The following GRIN2B variants were observed in gnomAD, a reference collection of about 807,000 sequenced individuals.
GRIN2B encodes the protein glutamate ionotropic receptor NMDA type subunit 2B.
GRIN2B carries 5 observed loss-of-function variants against 114.5 expected under a neutral mutation model. The ratio of observed to expected loss-of-function variants is 0.04; its 90% CI spans 0.02 to 0.09. The LOEUF is 0.09. GRIN2B is among the 10% of genes least tolerant of loss of function. The probability of loss-of-function intolerance (pLI) is 1.00; values close to 1 mark genes in which losing one functional copy is unlikely to be tolerated. For synonymous variants in GRIN2B, 787 were observed against 745.1 expected (o/e 1.06, Z -0.92); for missense variants, 1,108 against 1,943.5 (o/e 0.57, Z 8.08).
intron 2 of GRIN2B, among the ~76,000 whole-genome samples, chr12:13,923,704 T>C (rs1221485677): frequency 6.6e-6 from 1 of 152,114 alleles, no homozygotes; most frequent in African/African-American, 2.4e-5. Context: ...GTAGAAAGCA[T>C]GGAGGGATGC....
At chr12:13,692,557 C>T (rs779239738) in intron 4 of GRIN2B, among the ~76,000 whole-genome samples, 5 of 151,934 alleles carry the variant, frequency 3.3e-5, no homozygotes, top group South Asian at 2.1e-4. Context: ...AAGCTGTGCA[C>T]GTTAGGTGAA....
intron 4 of GRIN2B, among the ~76,000 whole-genome samples, chr12:13,751,762 T>C (rs1346156409): frequency 6.6e-6 from 1 of 151,878 alleles, no homozygotes; most frequent in East Asian, 1.9e-4. Flanking sequence ...AAGGGAGAGG[T>C]TGCAACCAGA....
chr12:13,600,237 T>C (rs558653209), intron 10 of GRIN2B, among the ~76,000 whole-genome samples: 2 of 152,272 alleles, frequency 1.3e-5, no homozygotes, highest in African/African-American at 4.8e-5. Flanking sequence ...TCATACTCTC[T>C]CCATCTGTCT....
At chr12:13,974,451 G>A (rs552965629) in intron 2 of GRIN2B, among the ~76,000 whole-genome samples, 1 of 152,278 alleles carries the variant, frequency 6.6e-6, no homozygotes, top group East Asian at 1.9e-4. Flanking sequence ...CCTAATCAAA[G>A]AAGCAGCAAA....
chr12:13,882,445 T>G (rs1252222998), intron 2 of GRIN2B, among the ~76,000 whole-genome samples: 1 of 152,140 alleles, frequency 6.6e-6, no homozygotes, highest in African/African-American at 2.4e-5. Flanking sequence ...TTGGCAAATA[T>G]GATCTATTTT....
chr12:13,599,202 A>C (rs575756659), intron 10 of GRIN2B, among the ~76,000 whole-genome samples: 1 of 152,288 alleles, frequency 6.6e-6, no homozygotes, highest in African/African-American at 2.4e-5. Flanking sequence ...GCTGGACAGG[A>C]AATCTCGATG....
chr12:13,637,447 A>G lies in GRIN2B; in HGVS notation c.1126-20790T>C, dbSNP rs529601214. Reference sequence around the variant, plus strand: ...AAAGGACAGTGTGAAATTTAATTACACACCTGTGTACATTTCCTCAAGAAA... The same window carrying G: ...AAAGGACAGTGTGAAATTTAATTACGCACCTGTGTACATTTCCTCAAGAAA... On this transcript the variant is annotated intron_variant, in intron 5 of 13. Coordinates refer to ENST00000609686, the MANE Select transcript of GRIN2B (RefSeq NM_000834.5). Among the ~76,000 whole-genome samples the G allele has an allele frequency of 9.9e-5, 15 of 152,272 alleles. No individual in the cohort carries two copies. The South Asian group carries it at 2.3e-3, about 23-fold the overall frequency.
At chr12:13,849,768 C>T (rs546598782) in intron 3 of GRIN2B, among the ~76,000 whole-genome samples, 1 of 152,162 alleles carries the variant, frequency 6.6e-6, no homozygotes, top group Non-Finnish European at 1.5e-5. Context: ...TCTATCATTA[C>T]CGACAAATAC....
intron 2 of GRIN2B, among the ~76,000 whole-genome samples, chr12:13,934,522 G>C (rs908887093): frequency 3.3e-5 from 5 of 152,200 alleles, no homozygotes; most frequent in Non-Finnish European, 7.4e-5. Context: ...TTTTAACTCA[G>C]ATTAGAATCC....
intron 13 of GRIN2B, among the ~76,000 whole-genome samples, chr12:13,565,774 C>T (rs1009165554): frequency 2.0e-5 from 3 of 152,084 alleles, no homozygotes; most frequent in Admixed American, 1.3e-4. Flanking sequence ...AGAATCGTAG[C>T]GAAATGGGAA....
chr12:13,679,949 T>C (rs938442514), intron 4 of GRIN2B, among the ~76,000 whole-genome samples: 2 of 152,156 alleles, frequency 1.3e-5, no homozygotes, highest in Non-Finnish European at 2.9e-5. Context: ...TAAAATATGA[T>C]ACAAATATAA....
chr12:13,739,079 T>C (rs1409225704), intron 4 of GRIN2B, among the ~76,000 whole-genome samples: 3 of 152,190 alleles, frequency 2.0e-5, no homozygotes, highest in South Asian at 2.1e-4. Flanking sequence ...AAGACTCTTG[T>C]ATCTGAAAAA....
intron 2 of GRIN2B, among the ~76,000 whole-genome samples, chr12:13,952,013 T>A (rs1867491125): frequency 6.6e-6 from 1 of 152,202 alleles, no homozygotes; most frequent in African/African-American, 2.4e-5. Context: ...CAAAAGTGGA[T>A]CTGTGTATAT....
chr12:13,588,989 CTG>C (rs1179685191), intron 10 of GRIN2B, among the ~76,000 whole-genome samples: 1 of 152,210 alleles, frequency 6.6e-6, no homozygotes, highest in African/African-American at 2.4e-5. Flanking sequence ...TCACTAGACT[CTG>C]AGAGTAGGGC....
At chr12:13,569,783 G>A (rs1806211) in intron 12 of GRIN2B, 47 bp downstream of exon 12, 1 of 1,174,592 alleles carries the variant, frequency 8.5e-7, no homozygotes, top group Non-Finnish European at 1.2e-6. Flanking sequence ...GTTTTGGACT[G>A]GCCATCAGTA....
chr12:13,692,297 G>A (rs1402796109), intron 4 of GRIN2B, among the ~76,000 whole-genome samples: 1 of 152,148 alleles, frequency 6.6e-6, no homozygotes, highest in Admixed American at 6.5e-5. Context: ...GTCCATTGGT[G>A]AAATCTATCC....
chr12:13,896,972 A>C (rs1172792231), intron 2 of GRIN2B, among the ~76,000 whole-genome samples: 1 of 152,160 alleles, frequency 6.6e-6, no homozygotes, highest in Non-Finnish European at 1.5e-5. Flanking sequence ...ACTCAGAAAG[A>C]TGCCTGGAAC....
At chr12:13,590,160 A>T (rs112102247) in intron 10 of GRIN2B, among the ~76,000 whole-genome samples, 10 of 152,200 alleles carry the variant, frequency 6.6e-5, no homozygotes, top group African/African-American at 2.4e-4. Context: ...AGGAACAGAA[A>T]ATTCTTTGGC....
At chr12:13,947,581 C>A (rs1379360983) in intron 2 of GRIN2B, among the ~76,000 whole-genome samples, 1 of 152,228 alleles carries the variant, frequency 6.6e-6, no homozygotes, top group Non-Finnish European at 1.5e-5. Flanking sequence ...TATCCACATC[C>A]TGCAACAGAA....
Sources: allele counts gnomAD v4.1 joint callset (sites outside exome capture counted in the v4.1 genomes callset), GRCh38; gene constraint gnomAD v4.1.1; transcripts MANE v1.5; gene names NCBI Gene and HGNC (gene_info 2026-07-23, HGNC 2026-07-21).